ACOT11: variants seen among roughly 807,000 people sequenced by gnomAD.
ACOT11 encodes acyl-coenzyme A thioesterase 11.
ACOT11 carries 69 observed loss-of-function variants against 77.5 expected under a neutral mutation model. The ratio of observed to expected loss-of-function variants is 0.89; its 90% CI spans 0.73 to 1.09. The LOEUF (loss-of-function observed/expected upper bound fraction) is 1.09. Ranked by LOEUF, ACOT11 falls within the 50% of genes least tolerant of loss-of-function variation. ACOT11 has a pLI of 0.00. For synonymous variants in ACOT11, 279 were observed against 313.0 expected, an observed-to-expected ratio of 0.89 and a Z score of 1.15; for missense variants, 766 against 813.7, an observed-to-expected ratio of 0.94 and a Z score of 0.71.
chr1:54,631,387 T>TTTTGTAATTGGA (rs1278079111), intron 16 of ACOT11, among the ~76,000 whole-genome samples: 139 of 152,322 alleles, frequency 9.1e-4, no homozygotes, highest in African/African-American at 3.3e-3. Flanking sequence ...TGGACCAGGT[T>TTTTGTAATTGGA]CTCCTTTAGT....
Position 54,593,929 on chromosome 1 carries a change from G to C in ACOT11, c.373-12G>C, listed in dbSNP as rs1219765460. The C allele has an allele frequency of 1.9e-6, 3 of 1,612,790 alleles. No homozygotes were observed. The highest frequency in any genetic ancestry group is 2.7e-5 in the African/African-American group (2 of 74,916). On this transcript the variant is annotated splice_polypyrimidine_tract_variant and intron_variant, in intron 4 of 15. Transcript: ENST00000343744. ...TGTTCCTCATTCCTTCGCCCTTACT[G>C]TTCCTCTCCAGGTGGGCATCCAGGT...
At chr1:54,561,121 T>A (rs1424864697) in intron 1 of ACOT11, among the ~76,000 whole-genome samples, 1 of 149,350 alleles carries the variant, frequency 6.7e-6, no homozygotes, top group African/African-American at 2.5e-5. Context: ...TTTATTTTTT[T>A]ATTGATAATT....
chr1:54,570,837 C>A (rs1334063033), intron 1 of ACOT11, among the ~76,000 whole-genome samples: 1 of 150,572 alleles, frequency 6.6e-6, no homozygotes, highest in Non-Finnish European at 1.5e-5. Flanking sequence ...CCCGCCACCA[C>A]ACCCAGCTAA....
intron 8 of ACOT11, 31 bp from the exon 9 acceptor site, chr1:54,601,238 C>T: frequency 6.2e-7 from 1 of 1,600,114 alleles, no homozygotes; most frequent in South Asian, 1.1e-5. Flanking sequence ...GAAGGTCTGT[C>T]CAGGTTGGAA....
chr1:54,554,045 C>T (rs377642964), intron 1 of ACOT11, among the ~76,000 whole-genome samples: 54 of 152,018 alleles, frequency 3.6e-4, no homozygotes, highest in East Asian at 2.5e-3. Flanking sequence ...TGGTAGCACG[C>T]GCCTCTAGTC....
intron 15 of ACOT11, among the ~76,000 whole-genome samples, chr1:54,622,753 T>TAACGGGACTTTCTGCTGGGGAAGTC (rs946177154): frequency 6.8e-6 from 1 of 147,480 alleles, no homozygotes; most frequent in South Asian, 2.2e-4. Flanking sequence ...AAAAAATAGT[T>TAACGGGACTTTCTGCTGGGGAAGTC]AACGGGACTT....
intron 6 of ACOT11, 87 bp from the exon 7 acceptor site, chr1:54,597,172 G>A: frequency 6.5e-7 from 1 of 1,535,292 alleles, no homozygotes; most frequent in Non-Finnish European, 8.9e-7. Flanking sequence ...TAGAGTGGTG[G>A]GGGTCCCAGG....
chr1:54,604,322 G>A, intron 11 of ACOT11, 24 bp from the exon 12 acceptor site: 1 of 1,608,532 alleles, frequency 6.2e-7, no homozygotes, highest in Middle Eastern at 1.8e-4. Context: ...GTGGGGTAGT[G>A]GTAGCACCTG....
intron 15 of ACOT11, chr1:54,623,583 C>T (rs1246304710): frequency 1.7e-6 from 1 of 580,908 alleles, no homozygotes; most frequent in Non-Finnish European, 3.1e-6. Context: ...CCCTCCCCGC[C>T]CCAATCCTCT....
chr1:54,602,726 T>C lies in ACOT11; in HGVS notation c.1085+2T>C. 6.5e-7 allele frequency: 1 copy of C among 1,539,218 alleles called. No homozygotes were observed. The highest frequency in any genetic ancestry group is 2.1e-5 in the Admixed American group (1 of 47,568). The stretch of plus-strand genomic sequence containing the variant: ...CAGAAAGAAGATCCGCCTGGACAGG[T>C]GAGTAGGGGCTGAGTGGTGGGCAGA... On this transcript the variant is annotated splice_donor_variant, in intron 10 of 15. Coordinates refer to ENST00000343744, the MANE Select transcript of ACOT11 (RefSeq NM_147161.4). LOFTEE classifies it high-confidence loss of function.
At chr1:54,587,191 A>C (rs1464009518) in intron 3 of ACOT11, among the ~76,000 whole-genome samples, 1 of 152,120 alleles carries the variant, frequency 6.6e-6, no homozygotes, top group African/African-American at 2.4e-5. Context: ...TAGGAACGTC[A>C]TTCAATTCGC....
At chr1:54,594,829 C>A in intron 6 of ACOT11, 138 bp downstream of exon 6, 1 of 1,237,810 alleles carries the variant, frequency 8.1e-7, no homozygotes, top group Non-Finnish European at 1.1e-6. Flanking sequence ...CCTCTCCTAG[C>A]CCTCTTGGCT....
chr1:54,635,222 A>G lies in ACOT11; in HGVS notation c.*493A>G, dbSNP rs112769337. 1.8e-3 allele frequency: 407 copies of G among 225,914 alleles called. 3 individuals carry two copies. The highest frequency in any genetic ancestry group is 8.5e-3 in the African/African-American group (361 of 42,278). The allele number at this position is 225,914 out of a possible 1,614,324, so 14.0% of individuals were successfully genotyped here. A position where few individuals can be genotyped will look rare whatever the true frequency, so the allele number is the denominator to read the frequency against. ...AGATGCTGCACAACGATTCCTATGG[A>G]ATCATTACTAATTGGTCCCCCAAGG... On this transcript the variant is annotated 3_prime_UTR_variant, in exon 17 of 17. Coordinates refer to the ACOT11 transcript ENST00000371316.
chr1:54,612,600 T>C (rs773431784), downstream of ACOT11: 1 of 1,611,260 alleles, frequency 6.2e-7, no homozygotes, highest in Non-Finnish European at 8.5e-7. Flanking sequence ...GTGCATCTTC[T>C]CCACCATGGC....
chr1:54,573,272 A>G (rs1653986349), intron 1 of ACOT11: 4 of 982,842 alleles, frequency 4.1e-6, no homozygotes, highest in Admixed American at 1.2e-4. Context: ...CGGTAAGCAG[A>G]CTTGGGTTGA....
chr1:54,585,922 C>T lies in ACOT11; in HGVS notation c.311+18C>T, dbSNP rs1444723918. ...ACCATTAGGTAAGTGGCCCCTCCTG[C>T]CTCAAGGTCCTCTGGGCTCCCTCCC... is the stretch of plus-strand genomic sequence containing the variant. On this transcript the variant is annotated intron_variant, in intron 3 of 15. Transcript: ENST00000343744. 6 of 1,613,218 alleles carry T rather than the reference C, an allele frequency of 3.7e-6. No individual in the cohort carries two copies.
chr1:54,584,614 G>A lies in ACOT11; in HGVS notation c.34-41G>A, dbSNP rs377260787. ...ACAGACCTGGGAGACCCTGCAGCAA[G>A]CAGACCTCTCTGTCCCCACCTGTCC... On this transcript the variant is annotated intron_variant, in intron 1 of 15. Coordinates refer to ENST00000343744, the MANE Select transcript of ACOT11 (RefSeq NM_147161.4). The surrounding 1 kb of genome is among the most constrained non-coding windows in gnomAD (Gnocchi z 6.3). The A allele has an allele frequency of 3.5e-5, 56 of 1,585,492 alleles. No homozygotes were observed. In the South Asian group the frequency reaches 5.1e-4, roughly 14 times the overall value.
At chr1:54,552,795 GTGTTGTTGT>G (rs370522224) in intron 1 of ACOT11, among the ~76,000 whole-genome samples, 25 of 136,666 alleles carry the variant, frequency 1.8e-4, no homozygotes, top group African/African-American at 2.5e-4. Flanking sequence ...CCCACTCTTA[GTGTTGTTGT>G]TGTTGTTGTT....
At chr1:54,590,517 G>T (rs779646335) in intron 3 of ACOT11, among the ~76,000 whole-genome samples, 17 of 151,956 alleles carry the variant, frequency 1.1e-4, no homozygotes, top group Middle Eastern at 3.4e-3. Context: ...TTTGGGGGAA[G>T]GTAGAGAGAG....
Sources: allele counts gnomAD v4.1 joint callset (sites outside exome capture counted in the v4.1 genomes callset), GRCh38; gene constraint gnomAD v4.1.1; non-coding constraint Gnocchi (gnomAD v3.1); transcripts MANE v1.5; gene names NCBI Gene and HGNC (gene_info 2026-07-23, HGNC 2026-07-21).